TCP11L2: variants seen among roughly 807,000 people sequenced by gnomAD.
TCP11L2 encodes the protein t-complex 11 like 2, also known as T-complex protein 11-like protein 2.
Under a neutral mutation model 50.7 loss-of-function variants are expected in TCP11L2, and 39 were observed. The ratio of observed to expected loss-of-function variants is 0.77; its 90% CI spans 0.60 to 1.01. The LOEUF (loss-of-function observed/expected upper bound fraction) is 1.01, where lower values mean the gene tolerates loss of function less well. Ranked by LOEUF, TCP11L2 falls within the 50% of genes least tolerant of loss-of-function variation. TCP11L2 has a pLI of 0.00. For synonymous variants in TCP11L2, 192 were observed against 219.3 expected (o/e 0.88, Z 1.10); for missense variants, 612 against 614.7 (o/e 1.00, Z 0.05).
chr12:106,341,660 T>A lies in TCP11L2; in HGVS notation c.1315+662T>A, dbSNP rs542728590. 3.9e-5 allele frequency among the ~76,000 whole-genome samples: 6 copies of A among 152,302 alleles called. No individual in the cohort carries two copies. The South Asian group carries it at 1.2e-3, about 32-fold the overall frequency. On this transcript the variant is annotated intron_variant, in intron 9 of 9. Coordinates refer to ENST00000299045, the MANE Select transcript of TCP11L2 (RefSeq NM_152772.3). ...GAGTTCCAGCTGTCACTGGCACTAG[T>A]TTTCCCGCCTCCAGCTCTCAACACT...
chr12:106,335,070 G>C (rs2035870309), intron 6 of TCP11L2, among the ~76,000 whole-genome samples: 1 of 152,186 alleles, frequency 6.6e-6, no homozygotes. Context: ...GCACGTGATT[G>C]TGCACATTCA....
At chr12:106,342,247 C>T (rs2036112626) in intron 9 of TCP11L2, among the ~76,000 whole-genome samples, 1 of 152,138 alleles carries the variant, frequency 6.6e-6, no homozygotes, top group Admixed American at 6.5e-5. Flanking sequence ...TCATCCTTAT[C>T]CCTGGGGACA....
intron 9 of TCP11L2, among the ~76,000 whole-genome samples, chr12:106,344,270 CTT>C (rs1320851420): frequency 6.6e-6 from 1 of 152,130 alleles, no homozygotes; most frequent in African/African-American, 2.4e-5. Context: ...TTTATAGACT[CTT>C]TTCAGTCCAT....
At chr12:106,332,265 T>C (rs1474123797) in intron 6 of TCP11L2, among the ~76,000 whole-genome samples, 5 of 152,226 alleles carry the variant, frequency 3.3e-5, no homozygotes, top group African/African-American at 7.2e-5. Context: ...CAGTTTCTTA[T>C]TAAACGCAGT....
At chr12:106,328,235 C>A (rs2136752557) in intron 6 of TCP11L2, among the ~76,000 whole-genome samples, 1 of 152,308 alleles carries the variant, frequency 6.6e-6, no homozygotes, top group South Asian at 2.1e-4. Flanking sequence ...TCCTTAGACT[C>A]AGAATCATTC....
chr12:106,306,577 C>G (rs990035175), intron 1 of TCP11L2, among the ~76,000 whole-genome samples: 8 of 152,290 alleles, frequency 5.3e-5, no homozygotes, highest in African/African-American at 1.9e-4. Context: ...ACCTATTGCA[C>G]TCAGTTATCA....
chr12:106,313,821 A>G lies in TCP11L2; in HGVS notation c.158-537A>G, dbSNP rs186301308. Among the ~76,000 whole-genome samples the G allele has an allele frequency of 2.8e-3, 392 of 138,532 alleles. 5 individuals carry two copies. The highest frequency in any genetic ancestry group is 0.01 in the African/African-American group (368 of 36,690). The allele number at this position is 138,532 out of a possible 152,430, so 90.9% of individuals were successfully genotyped here. ...CACCCTGTCGTCCAGGCTGGAGTGC[A>G]GTGGCACGATCTTGGCTCACTGCAA... is the stretch of plus-strand genomic sequence containing the variant. On this transcript the variant is annotated intron_variant, in intron 2 of 9. Transcript: ENST00000299045.
chr12:106,298,263 A>G (rs2034375318), upstream of TCP11L2, among the ~76,000 whole-genome samples: 1 of 152,180 alleles, frequency 6.6e-6, no homozygotes, highest in Non-Finnish European at 1.5e-5. Context: ...AATTGCCTAA[A>G]AGGTGTGGTT....
chr12:106,303,555 G>C (rs1023759628), intron 1 of TCP11L2: 1 of 152,340 alleles, frequency 6.6e-6, no homozygotes, highest in African/African-American at 2.4e-5. Flanking sequence ...AGGGGAAGAG[G>C]TGGAGAAAAG....
At chr12:106,315,632 C>CA (rs1276820769) in intron 3 of TCP11L2, among the ~76,000 whole-genome samples, 1 of 152,184 alleles carries the variant, frequency 6.6e-6, no homozygotes, top group Non-Finnish European at 1.5e-5. Flanking sequence ...CCTGAACTGT[C>CA]AAAGTGCTAA....
chr12:106,315,233 A>AAAAAAC (rs1345332322), intron 3 of TCP11L2, among the ~76,000 whole-genome samples: 6 of 152,020 alleles, frequency 3.9e-5, no homozygotes, highest in Non-Finnish European at 7.4e-5. Context: ...ACTCCGTCTC[A>AAAAAAC]AAAAACAAAA....
Position 106,321,603 on chromosome 12 carries a change from C to G in TCP11L2, c.532C>G (p.Leu178Val). 6.2e-7 allele frequency: 1 copy of G among 1,614,200 alleles called. No individual in the cohort carries two copies. The highest frequency in any genetic ancestry group is 8.5e-7 in the Non-Finnish European group (1 of 1,180,028). The change falls in exon 5 of 10, where the codon CTG becomes GTG. Residue 178 changes from leucine to valine, a missense_variant. Coordinates refer to ENST00000299045, the MANE Select transcript of TCP11L2 (RefSeq NM_152772.3). ...GCACAGTGCTGTTGACATCCAAGGC[C>G]TGGCCAACTATGTCATCAGTACGAT... is the stretch of plus-strand genomic sequence containing the variant. Reference protein sequence around the residue: ...AEHSAVDIQGLANYVISTMGK... With the variant: ...AEHSAVDIQGVANYVISTMGK...
chr12:106,315,005 CA>C (rs11450523), intron 3 of TCP11L2, among the ~76,000 whole-genome samples: 107 of 125,982 alleles, frequency 8.5e-4, no homozygotes, highest in Admixed American at 1.5e-3. Context: ...GACCCTGTCT[CA>C]AAAAAAAAAA....
intron 9 of TCP11L2, among the ~76,000 whole-genome samples, chr12:106,344,616 T>C (rs1371681294): frequency 6.6e-6 from 1 of 152,246 alleles, no homozygotes; most frequent in Non-Finnish European, 1.5e-5. Context: ...CAGACCTAGC[T>C]GGAATGTATG....
intron 6 of TCP11L2, among the ~76,000 whole-genome samples, chr12:106,328,356 C>T (rs976197680): frequency 6.6e-6 from 1 of 152,180 alleles, no homozygotes; most frequent in Non-Finnish European, 1.5e-5. Context: ...CCATCCTGGC[C>T]AACATGGTGA....
At chr12:106,346,145 C>G in intron 9 of TCP11L2, 141 bp from the exon 10 acceptor site, 1 of 857,392 alleles carries the variant, frequency 1.2e-6, no homozygotes, top group Non-Finnish European at 1.7e-6. Flanking sequence ...GCAAAGCTAC[C>G]TTGGAAAGGG....
At chr12:106,330,558 G>A (rs1020524360) in intron 6 of TCP11L2, among the ~76,000 whole-genome samples, 25 of 152,140 alleles carry the variant, frequency 1.6e-4, no homozygotes, top group South Asian at 2.1e-4. Flanking sequence ...CAATAGTGCC[G>A]AGGTTGAGAC....
Position 106,323,537 on chromosome 12 carries a change from G to A in TCP11L2, c.663G>A (p.Met221Ile), listed in dbSNP as rs1279084785. The change falls in exon 6 of 10, where the codon ATG becomes ATA. Residue 221 changes from methionine to isoleucine, a missense_variant. By Grantham distance (10) the Met-to-Ile change is conservative. Transcript: ENST00000299045. ...LRQIFHVLDL[M>I]QMDMANFTIM... ...AAATATTCCATGTCCTGGACCTCAT[G>A]CAAATGGACATGGCCAATTTTACAA... is the stretch of plus-strand genomic sequence containing the variant. 6.2e-7 allele frequency: 1 copy of A among 1,607,302 alleles called. No homozygotes were observed. The highest frequency in any genetic ancestry group is 8.5e-7 in the Non-Finnish European group (1 of 1,176,528).
At chr12:106,323,753 A>T in intron 6 of TCP11L2, 107 bp downstream of exon 6, 1 of 492,242 alleles carries the variant, frequency 2.0e-6, no homozygotes, top group Non-Finnish European at 3.0e-6. Flanking sequence ...TTAATAAATA[A>T]ATAAAATTTA....
Sources: gnomAD v4.1 joint callset for allele counts (sites outside exome capture counted in the v4.1 genomes callset) on GRCh38, gnomAD v4.1.1 for gene constraint, MANE v1.5 for transcripts, NCBI Gene and HGNC (gene_info 2026-07-23, HGNC 2026-07-21) for gene names.